The following ZDHHC22 variants were observed in gnomAD, a reference collection of about 807,000 sequenced individuals.
ZDHHC22 encodes the protein zDHHC palmitoyltransferase 22, also known as palmitoyltransferase ZDHHC22.
In ZDHHC22, 13 loss-of-function variants were observed where a neutral mutation model predicts 17.0. That is an observed-to-expected ratio of 0.76 (90% CI 0.50 to 1.21). ZDHHC22 has a LOEUF of 1.21. Among genes scored for constraint, ZDHHC22 ranks in the 50% most tolerant of loss-of-function variants. The probability of loss-of-function intolerance (pLI) is 0.00; values close to 1 mark genes in which losing one functional copy is unlikely to be tolerated. For missense variants in ZDHHC22, 319 were observed against 342.3 expected, an observed-to-expected ratio of 0.93 and a Z score of 0.54; for synonymous variants, 138 against 154.7, an observed-to-expected ratio of 0.89 and a Z score of 0.80.
Position 77,133,899 on chromosome 14 carries a change from C to T in ZDHHC22, c.576G>A (p.Trp192Ter), listed in dbSNP as rs1338171342. 1.2e-6 allele frequency: 2 copies of T among 1,611,722 alleles called. No homozygotes were observed. Among genetic ancestry groups the T allele is most frequent in the Non-Finnish European group, 1.7e-6 (2 of 1,178,810 alleles). Reference sequence around the variant, plus strand: ...CGGCGCAGGCCAGGCCGATGGCGAACCAGAGGTAGAGCATGAGGATGACGA... The same window carrying T: ...CGGCGCAGGCCAGGCCGATGGCGAATCAGAGGTAGAGCATGAGGATGACGA... ...EMFVILMLYL[W>*]FAIGLACAGF... The change falls in exon 3 of 3, where the codon TGG (tryptophan) becomes TGA (stop). Residue 192 changes from tryptophan to a stop codon, truncating the protein, a stop_gained. Coordinates refer to ENST00000319374, the MANE Select transcript of ZDHHC22 (RefSeq NM_174976.2). LOFTEE classifies it high-confidence loss of function.
intron 2 of ZDHHC22, among the ~76,000 whole-genome samples, chr14:77,137,052 T>A (rs549982996): frequency 6.6e-6 from 1 of 152,334 alleles, no homozygotes; most frequent in African/African-American, 2.4e-5. Context: ...TCTGTCCACC[T>A]GTCCTCCTGT....
chr14:77,131,843 G>C lies in ZDHHC22; in HGVS notation c.*1840C>G, dbSNP rs561008822. 1 of 152,356 alleles carries C rather than the reference G, an allele frequency of 6.6e-6. No homozygotes were observed. Among genetic ancestry groups the C allele is most frequent in the South Asian group, 2.1e-4 (1 of 4,834 alleles). 9.4% of individuals were successfully genotyped at this position (152,356 alleles called of 1,614,324 possible). On this transcript the variant is annotated 3_prime_UTR_variant, in exon 3 of 3. Transcript: ENST00000319374. Reference sequence around the variant, plus strand: ...CTGGAAGAGGCTGGGAACGTAGTTGGCACTCAATAAATATACGTAGGATGG... The same window carrying C: ...CTGGAAGAGGCTGGGAACGTAGTTGCCACTCAATAAATATACGTAGGATGG...
Position 77,140,343 on chromosome 14 carries a change from G to T in ZDHHC22, c.-14-591C>A, listed in dbSNP as rs533850827. ...GAGGTATGTGTGCGTGAGGGACCAC[G>T]ATGTGTGTGTGTGTGTCCTTGTCTG... On this transcript the variant is annotated intron_variant, in intron 1 of 2. Transcript: ENST00000319374. This position sits in a 1 kb window ranked among gnomAD's most constrained non-coding sequence, Gnocchi z 5.9. Among the ~76,000 whole-genome samples the T allele has an allele frequency of 4.0e-5, 6 of 151,710 alleles. No individual in the cohort carries two copies. The South Asian group carries it at 1.2e-3, about 31-fold the overall frequency.
chr14:77,136,740 T>C (rs577627447), intron 2 of ZDHHC22, among the ~76,000 whole-genome samples: 1 of 152,306 alleles, frequency 6.6e-6, no homozygotes, highest in Non-Finnish European at 1.5e-5. Flanking sequence ...CTCAGATCTG[T>C]ACCACAGTTG....
intron 2 of ZDHHC22, among the ~76,000 whole-genome samples, chr14:77,135,270 C>T (rs1447244190): frequency 6.6e-6 from 1 of 151,836 alleles, no homozygotes; most frequent in Non-Finnish European, 1.5e-5. Context: ...TTTGCCCTTT[C>T]CCTAGCCTTC....
intron 2 of ZDHHC22, among the ~76,000 whole-genome samples, chr14:77,138,542 A>G (rs1033683554): frequency 6.6e-6 from 1 of 151,300 alleles, no homozygotes; most frequent in African/African-American, 2.4e-5. Context: ...AGCCTGTGTG[A>G]TGGAGTGAGA....
chr14:77,133,467 G>A lies in ZDHHC22; in HGVS notation c.*216C>T, dbSNP rs1252463440. ...CTAACAGCTAGCAGCCACCTGGCTG[G>A]CTCGTGAGGAGCCTAGAAATGCCTG... On this transcript the variant is annotated 3_prime_UTR_variant, in exon 3 of 3. Coordinates refer to ENST00000319374, the MANE Select transcript of ZDHHC22 (RefSeq NM_174976.2). 3 of 608,554 alleles carry A rather than the reference G, an allele frequency of 4.9e-6. No homozygotes were observed. The highest frequency in any genetic ancestry group is 8.0e-6 in the Non-Finnish European group (3 of 376,758). 37.7% of individuals were successfully genotyped at this position (608,554 alleles called of 1,614,324 possible). A position where few individuals can be genotyped will look rare whatever the true frequency, so the allele number is the denominator to read the frequency against.
At chr14:77,134,458 A>G (rs980705369) in intron 2 of ZDHHC22, among the ~76,000 whole-genome samples, 2 of 152,202 alleles carry the variant, frequency 1.3e-5, no homozygotes, top group Non-Finnish European at 2.9e-5. Flanking sequence ...GACTCAGGAA[A>G]ATGACAGCAT....
In ZDHHC22 at chr14:77,140,069, T is replaced by G. The variant is rs1594832104; in HGVS notation, c.-14-317A>C. 6.6e-6 allele frequency among the ~76,000 whole-genome samples: 1 copy of G among 151,336 alleles called. No homozygotes were observed. The highest frequency in any genetic ancestry group is 1.9e-4 in the East Asian group (1 of 5,148). The stretch of plus-strand genomic sequence containing the variant: ...TTGCAGTCTTTAGGAGTTGTGAGGG[T>G]GGGGGGCACCGGGGGATAGGACTCC... On this transcript the variant is annotated intron_variant, in intron 1 of 2. Coordinates refer to ENST00000319374, the MANE Select transcript of ZDHHC22 (RefSeq NM_174976.2). This position sits in a 1 kb window ranked among gnomAD's most constrained non-coding sequence, Gnocchi z 5.9.
chr14:77,141,856 G>T (rs1887263099), upstream of ZDHHC22: 1 of 152,272 alleles, frequency 6.6e-6, no homozygotes, highest in Non-Finnish European at 1.5e-5. Flanking sequence ...CTCCGCTCCT[G>T]GGGGCGGTGC....
chr14:77,142,042 C>G (rs1200020923), upstream of ZDHHC22: 1 of 152,476 alleles, frequency 6.6e-6, no homozygotes, highest in African/African-American at 2.4e-5. Context: ...CTAGGTCCCA[C>G]GACCTTCCCT....
Position 77,132,985 on chromosome 14 carries a change from A to T in ZDHHC22, c.*698T>A, listed in dbSNP as rs890340896. On this transcript the variant is annotated 3_prime_UTR_variant, in exon 3 of 3. Coordinates refer to ENST00000319374, the MANE Select transcript of ZDHHC22 (RefSeq NM_174976.2). ...TAGAAAGGCTGGAAGAGTTCCAGGG[A>T]CAGGAAGCATCCAGCCAGGTCCTGG... The T allele has an allele frequency of 1.3e-5, 2 of 152,122 alleles. No homozygotes were observed. Among genetic ancestry groups the T allele is most frequent in the Non-Finnish European group, 2.9e-5 (2 of 68,076 alleles). The allele number at this position is 152,122 out of a possible 1,614,324, so 9.4% of individuals were successfully genotyped here.
At position 77,140,370 on chromosome 14, in the gene ZDHHC22, G is replaced by T. The variant is rs553062567; in HGVS notation, c.-14-618C>A. Reference sequence around the variant, plus strand: ...TGTGTGTGTGTGTGTCCTTGTCTGTGACTCTGTACGTGTAATCTGTGTGCG... The same window carrying T: ...TGTGTGTGTGTGTGTCCTTGTCTGTTACTCTGTACGTGTAATCTGTGTGCG... On this transcript the variant is annotated intron_variant, in intron 1 of 2. Coordinates refer to ENST00000319374, the MANE Select transcript of ZDHHC22 (RefSeq NM_174976.2). The surrounding 1 kb of genome is among the most constrained non-coding windows in gnomAD (Gnocchi z 5.9). 6.6e-5 allele frequency among the ~76,000 whole-genome samples: 10 copies of T among 152,304 alleles called. No homozygotes were observed. The South Asian group carries it at 1.9e-3, about 28-fold the overall frequency.
chr14:77,136,157 CA>C (rs1887132994), intron 2 of ZDHHC22, among the ~76,000 whole-genome samples: 3 of 152,146 alleles, frequency 2.0e-5, no homozygotes, highest in African/African-American at 7.2e-5. Flanking sequence ...ATTCGAGAAG[CA>C]GCTTCAGAGA....
In ZDHHC22 at chr14:77,131,975, A is replaced by G. The variant is rs974912025; in HGVS notation, c.*1708T>C. ...GCAGAACCACAGTAAAGTCCTCCCAATCTCTGCTCAAGAACCCAGGCTGTT... is the reference window on the plus strand; with the variant it reads ...GCAGAACCACAGTAAAGTCCTCCCAGTCTCTGCTCAAGAACCCAGGCTGTT... On this transcript the variant is annotated 3_prime_UTR_variant, in exon 3 of 3. Coordinates refer to ENST00000319374, the MANE Select transcript of ZDHHC22 (RefSeq NM_174976.2). The G allele has an allele frequency of 2.0e-5, 3 of 152,234 alleles. No individual in the cohort carries two copies. Among genetic ancestry groups the G allele is most frequent in the Non-Finnish European group, 4.4e-5 (3 of 68,054 alleles). 9.4% of individuals were successfully genotyped at this position (152,234 alleles called of 1,614,324 possible). A position where few individuals can be genotyped will look rare whatever the true frequency, so the allele number is the denominator to read the frequency against.
intron 1 of ZDHHC22, 79 bp from the exon 2 acceptor site, chr14:77,139,831 C>A: frequency 7.2e-7 from 1 of 1,380,748 alleles, no homozygotes; most frequent in East Asian, 2.5e-5. Context: ...CCGTGCCGCG[C>A]GTCTGGGGCA....
intron 2 of ZDHHC22, 64 bp from the exon 3 acceptor site, chr14:77,134,012 G>C: frequency 6.8e-7 from 1 of 1,477,746 alleles, no homozygotes. Flanking sequence ...GCATAACTGC[G>C]ATCTAGGCAG....
rs1021937763 is a variant in ZDHHC22, at chr14:77,131,939, G to C, written c.*1744C>G. ...AGCCAATACTACATTAGCTCTCTAG[G>C]GGGTGTGAAGGCAGAACCACAGTAA... On this transcript the variant is annotated 3_prime_UTR_variant, in exon 3 of 3. Transcript: ENST00000319374. The C allele has an allele frequency of 1.3e-5, 2 of 152,226 alleles. No homozygotes were observed. The highest frequency in any genetic ancestry group is 2.9e-5 in the Non-Finnish European group (2 of 68,052). The allele number at this position is 152,226 out of a possible 1,614,324, so 9.4% of individuals were successfully genotyped here.
chr14:77,139,836 G>A, intron 1 of ZDHHC22, 84 bp from the exon 2 acceptor site: 1 of 1,363,454 alleles, frequency 7.3e-7, no homozygotes, highest in Non-Finnish European at 9.7e-7. Context: ...CCGCGCGTCT[G>A]GGGCACTGCA....
Sources: gnomAD v4.1 joint callset for allele counts (sites outside exome capture counted in the v4.1 genomes callset) on GRCh38, gnomAD v4.1.1 for gene constraint, Gnocchi (gnomAD v3.1) non-coding constraint, MANE v1.5 for transcripts, NCBI Gene and HGNC (gene_info 2026-07-23, HGNC 2026-07-21) for gene names.